PLEKHA7: variants seen among roughly 807,000 people sequenced by gnomAD.
PLEKHA7 encodes the protein pleckstrin homology domain containing A7, also known as pleckstrin homology domain-containing family A member 7.
In PLEKHA7, 104 loss-of-function variants were observed where a neutral mutation model predicts 170.0. The observed-to-expected ratio is 0.61, with a 90% CI of 0.52 to 0.72. The LOEUF (loss-of-function observed/expected upper bound fraction) is 0.72, where lower values mean the gene tolerates loss of function less well. PLEKHA7 is among the 30% of genes least tolerant of loss of function. The pLI, the probability that PLEKHA7 is intolerant of heterozygous loss-of-function variation, is 0.00. For synonymous variants in PLEKHA7, 648 were observed against 660.8 expected, an observed-to-expected ratio of 0.98 and a Z score of 0.30; for missense variants, 1,615 against 1,671.7, an observed-to-expected ratio of 0.97 and a Z score of 0.59.
intron 25 of PLEKHA7, 57 bp downstream of exon 25, chr11:16,783,643 A>G (rs1295830462): frequency 1.5e-6 from 2 of 1,338,822 alleles, no homozygotes; most frequent in Non-Finnish European, 1.9e-6. Context: ...CCCACATGGT[A>G]GAGACGCCAC....
intron 3 of PLEKHA7, among the ~76,000 whole-genome samples, chr11:16,918,651 G>A (rs1858864395): frequency 6.6e-6 from 1 of 152,204 alleles, no homozygotes; most frequent in Non-Finnish European, 1.5e-5. Context: ...CCAGGCAGGT[G>A]AATCCATTAG....
At chr11:16,812,560 G>A (rs1387247546) in intron 13 of PLEKHA7, 2 of 152,286 alleles carry the variant, frequency 1.3e-5, no homozygotes, top group African/African-American at 4.8e-5. Flanking sequence ...TTCTCTACAG[G>A]AGCTTTCTTG....
intron 3 of PLEKHA7, among the ~76,000 whole-genome samples, chr11:16,886,542 C>T (rs972827383): frequency 1.3e-5 from 2 of 152,096 alleles, no homozygotes; most frequent in East Asian, 3.9e-4. Flanking sequence ...GAAACCCCAT[C>T]TCTACTAAAA....
rs150070534 is a variant in PLEKHA7 at position 16,826,390 on chromosome 11, C to T, written c.1073G>A (p.Arg358Gln). The T allele has an allele frequency of 2.8e-5, 46 of 1,614,250 alleles. No individual in the cohort carries two copies. The African/African-American group carries it at 2.9e-4, about 10-fold the overall frequency. ...QRDPLEGKRD[R>Q]SKARSPYSPA... ...CGAGTACGGAGACCTGGCCTTGCTC[C>T]GGTCCCGCTTGCCCTCCAGTGGGTC... The change falls in exon 10 of 27, where the codon CGG becomes CAG. Residue 358 changes from arginine (R) to glutamine (Q), a missense_variant. Physicochemically the swap from Arg to Gln is conservative, Grantham distance 43 (BLOSUM62 1). Coordinates refer to ENST00000531066, the MANE Select transcript of PLEKHA7 (RefSeq NM_001329630.2).
chr11:16,915,376 T>C (rs974519916), intron 3 of PLEKHA7, among the ~76,000 whole-genome samples: 3 of 152,198 alleles, frequency 2.0e-5, no homozygotes, highest in African/African-American at 7.2e-5. Flanking sequence ...TTTATTATTA[T>C]TATACTTTAA....
chr11:16,889,040 T>C (rs1277681505), intron 3 of PLEKHA7, among the ~76,000 whole-genome samples: 1 of 149,076 alleles, frequency 6.7e-6, no homozygotes, highest in African/African-American at 2.5e-5. Context: ...TACACCCAGA[T>C]GGCCTGAAGG....
Position 16,789,391 on chromosome 11 carries a change from T to C in PLEKHA7, c.3157-95A>G. The C allele has an allele frequency of 8.3e-7, 1 of 1,200,694 alleles. No individual in the cohort carries two copies. The highest frequency in any genetic ancestry group is 1.2e-6 in the Non-Finnish European group (1 of 825,982). The allele number at this position is 1,200,694 out of a possible 1,614,324, so 74.4% of individuals were successfully genotyped here. The stretch of plus-strand genomic sequence containing the variant: ...GCTGGCTGCATTCCCGTTGTCTCTC[T>C]CTCACACACATGCACACTCTAGTTG... On this transcript the variant is annotated intron_variant, in intron 22 of 26. Coordinates refer to ENST00000531066, the MANE Select transcript of PLEKHA7 (RefSeq NM_001329630.2). This position sits in a 1 kb window ranked among gnomAD's most constrained non-coding sequence, Gnocchi z 4.6.
chr11:16,892,095 C>T (rs1457101044), intron 3 of PLEKHA7, among the ~76,000 whole-genome samples: 1 of 152,132 alleles, frequency 6.6e-6, no homozygotes, highest in Non-Finnish European at 1.5e-5. Context: ...CCAAATAAAT[C>T]ATCTGGCAAG....
chr11:16,921,611 T>A (rs1261049180), intron 3 of PLEKHA7, among the ~76,000 whole-genome samples: 4 of 152,240 alleles, frequency 2.6e-5, no homozygotes, highest in Non-Finnish European at 5.9e-5. Flanking sequence ...GAGTCAGCTA[T>A]CCAACAATAA....
Position 16,789,838 on chromosome 11 carries a change from G to A in PLEKHA7, c.3093C>T (p.Thr1031=), listed in dbSNP as rs1230570866. 2 of 1,614,028 alleles carry A rather than the reference G, an allele frequency of 1.2e-6. No individual in the cohort carries two copies. Among genetic ancestry groups the A allele is most frequent in the East Asian group, 2.2e-5 (1 of 44,900 alleles). ...TCCGGAGTGTGACGTAGGGAGCAAT[G>A]GTGGACGACTGCTGGAGCCTTGACG... The part of the protein sequence containing the change: ...GSTSRLQQSS[T]IAPYVTLRRG... Residue 1031 remains threonine (T), a synonymous_variant, in exon 22 of 27, where the codon ACC becomes ACT. Transcript: ENST00000531066. The surrounding 1 kb of genome is among the most constrained non-coding windows in gnomAD (Gnocchi z 4.6).
At chr11:16,972,104 T>G (rs1048337823) in intron 3 of PLEKHA7, among the ~76,000 whole-genome samples, 1 of 152,024 alleles carries the variant, frequency 6.6e-6, no homozygotes, top group Admixed American at 6.5e-5. Flanking sequence ...ATTATAGGCA[T>G]GAGCCACCAT....
At chr11:16,955,617 G>A (rs1236591883) in intron 3 of PLEKHA7, among the ~76,000 whole-genome samples, 1 of 152,166 alleles carries the variant, frequency 6.6e-6, no homozygotes. Context: ...GAAGCTTAAA[G>A]AAAATAACTG....
chr11:16,954,660 T>C (rs958685283), intron 3 of PLEKHA7, among the ~76,000 whole-genome samples: 2 of 151,862 alleles, frequency 1.3e-5, no homozygotes, highest in African/African-American at 4.8e-5. Flanking sequence ...GAAAGTTAAA[T>C]ATTAACGACA....
At chr11:16,851,425 G>C in intron 7 of PLEKHA7, 134 bp from the exon 8 acceptor site, 1 of 502,412 alleles carries the variant, frequency 2.0e-6, no homozygotes, top group South Asian at 3.9e-5. Flanking sequence ...CCACACACAG[G>C]CAAAGCTCTA....
chr11:16,906,224 T>TAGGAAGGAAGGAAGGAAGGAAGGAAGGA (rs199992587), intron 3 of PLEKHA7, among the ~76,000 whole-genome samples: 59 of 116,302 alleles, frequency 5.1e-4, no homozygotes, highest in African/African-American at 5.3e-4. Context: ...TAAAATGAGG[T>TAGGAAGGAAGGAAGGAAGGAAGGAAGGA]AGGAAGGAAG....
chr11:16,785,474 G>A (rs1849333835), intron 24 of PLEKHA7, among the ~76,000 whole-genome samples: 1 of 152,162 alleles, frequency 6.6e-6, no homozygotes, highest in Admixed American at 6.5e-5. Context: ...CCTGTGCCAG[G>A]GACTAGGGAT....
At chr11:16,842,769 T>C (rs931716935) in intron 8 of PLEKHA7, among the ~76,000 whole-genome samples, 1 of 152,128 alleles carries the variant, frequency 6.6e-6, no homozygotes, top group Non-Finnish European at 1.5e-5. Flanking sequence ...CATAAGAAGA[T>C]GATGTGAAAA....
chr11:16,843,022 C>T (rs1411054861), intron 8 of PLEKHA7, among the ~76,000 whole-genome samples: 1 of 152,246 alleles, frequency 6.6e-6, no homozygotes, highest in Non-Finnish European at 1.5e-5. Flanking sequence ...TGCTTATCAT[C>T]TGTCTCCTTC....
Position 16,920,516 on chromosome 11 carries a change from T to A in PLEKHA7, c.222-49334A>T, listed in dbSNP as rs556796112. On this transcript the variant is annotated intron_variant, in intron 3 of 26. Coordinates refer to ENST00000531066, the MANE Select transcript of PLEKHA7 (RefSeq NM_001329630.2). ...AGTGGTTGTCTTTGGTGCTTGGTCC[T>A]TAATTTCCTCCATCTTCTTTGTAGT... 1.8e-4 allele frequency among the ~76,000 whole-genome samples: 28 copies of A among 152,378 alleles called. 1 individual carries two copies. In the South Asian group the frequency reaches 5.6e-3, roughly 30 times the overall value.
Sources: allele counts gnomAD v4.1 joint callset (sites outside exome capture counted in the v4.1 genomes callset), GRCh38; gene constraint gnomAD v4.1.1; non-coding constraint Gnocchi (gnomAD v3.1); transcripts MANE v1.5; gene names NCBI Gene and HGNC (gene_info 2026-07-23, HGNC 2026-07-21).